Variants in CORO2B observed in about 807,000 individuals in gnomAD.
CORO2B encodes the protein coronin 2B.
CORO2B carries 26 observed loss-of-function variants against 58.8 expected under a neutral mutation model. That is an observed-to-expected ratio of 0.44 (90% CI 0.32 to 0.61). The LOEUF is 0.61. Ranked by LOEUF, CORO2B falls within the 20% of genes least tolerant of loss-of-function variation. The pLI is 0.04. For synonymous variants in CORO2B, 242 were observed against 253.8 expected (o/e 0.95, Z 0.44); for missense variants, 460 against 645.1 (o/e 0.71, Z 3.11).
At chr15:68,648,877 C>G (rs548639529) in intron 2 of CORO2B, among the ~76,000 whole-genome samples, 4 of 152,204 alleles carry the variant, frequency 2.6e-5, no homozygotes, top group Non-Finnish European at 5.9e-5. Flanking sequence ...TTTAAAGATG[C>G]ATGTCTACTG....
chr15:68,550,711 T>C, the CORO2B span, among the ~76,000 whole-genome samples: 1 of 152,202 alleles, frequency 6.6e-6, no homozygotes, highest in Non-Finnish European at 1.5e-5. Flanking sequence ...CAAATCTACC[T>C]GCAGGCGCTC....
intron 1 of CORO2B, among the ~76,000 whole-genome samples, chr15:68,581,233 A>T (rs1899418071): frequency 6.6e-6 from 1 of 152,108 alleles, no homozygotes; most frequent in Non-Finnish European, 1.5e-5. Flanking sequence ...GCCCCCAACA[A>T]ACCCTCCATG....
At chr15:68,628,550 T>C (rs1900744158) in intron 1 of CORO2B, among the ~76,000 whole-genome samples, 2 of 152,326 alleles carry the variant, frequency 1.3e-5, no homozygotes, top group South Asian at 2.1e-4. Flanking sequence ...TAGAAACAGG[T>C]GAGTCAAGGG....
upstream of CORO2B, among the ~76,000 whole-genome samples, chr15:68,574,203 C>T (rs1192308623): frequency 1.3e-5 from 2 of 152,166 alleles, no homozygotes; most frequent in Admixed American, 6.5e-5. Flanking sequence ...CTAGGGCAGT[C>T]GCTGTGCTGA....
At chr15:68,570,442 G>C in the CORO2B span, among the ~76,000 whole-genome samples, 2 of 152,198 alleles carry the variant, frequency 1.3e-5, no homozygotes, top group African/African-American at 2.4e-5. Context: ...GGGCTACTGT[G>C]GATCTTGATC....
intron 1 of CORO2B, among the ~76,000 whole-genome samples, chr15:68,597,127 T>G (rs1443178376): frequency 6.6e-6 from 1 of 151,990 alleles, no homozygotes; most frequent in Non-Finnish European, 1.5e-5. Context: ...CATTTCAAAT[T>G]GCGTAAAACC....
chr15:68,567,074 A>G, the CORO2B span, among the ~76,000 whole-genome samples: 1 of 152,210 alleles, frequency 6.6e-6, no homozygotes, highest in African/African-American at 2.4e-5. Flanking sequence ...CCTATAGCAC[A>G]GAGTTACTGT....
intron 2 of CORO2B, among the ~76,000 whole-genome samples, chr15:68,670,059 A>AG (rs1367917827): frequency 8.9e-5 from 2 of 22,442 alleles, no homozygotes; most frequent in African/African-American, 1.7e-4. Flanking sequence ...TCTGTCTCAG[A>AG]AAAAAAAAAG....
intron 3 of CORO2B, among the ~76,000 whole-genome samples, chr15:68,701,419 C>G (rs1171761364): frequency 6.6e-6 from 1 of 150,894 alleles, no homozygotes; most frequent in Non-Finnish European, 1.5e-5. Context: ...TCAGGCCATT[C>G]TCCTGCCTCA....
intron 11 of CORO2B, 73 bp from the exon 12 acceptor site, chr15:68,725,770 C>G (rs1412496500): frequency 6.3e-7 from 1 of 1,583,832 alleles, no homozygotes; most frequent in Non-Finnish European, 8.6e-7. Flanking sequence ...CAGCTGGAGA[C>G]TCACCTGGGA....
chr15:68,581,159 C>G (rs1450625899), intron 1 of CORO2B, among the ~76,000 whole-genome samples: 4 of 152,126 alleles, frequency 2.6e-5, no homozygotes, highest in African/African-American at 9.7e-5. Context: ...CCTGTTAAGC[C>G]CACTGGCAGG....
At chr15:68,704,232 C>T (rs115659377) in intron 3 of CORO2B, among the ~76,000 whole-genome samples, 3,672 of 149,336 alleles carry the variant, frequency 0.025, 149 homozygotes, top group African/African-American at 0.084. Context: ...AGAGCAAGAC[C>T]GTGTCTGAAA....
the CORO2B span, among the ~76,000 whole-genome samples, chr15:68,563,814 A>G: frequency 6.6e-6 from 1 of 152,176 alleles, no homozygotes; most frequent in East Asian, 1.9e-4. Flanking sequence ...ACAAAAACTG[A>G]CGAAGAAACA....
chr15:68,586,971 C>T (rs1899575554), intron 1 of CORO2B, among the ~76,000 whole-genome samples: 1 of 151,638 alleles, frequency 6.6e-6, no homozygotes, highest in South Asian at 2.1e-4. Context: ...TCAATTATGA[C>T]CATTTTTGTT....
intron 1 of CORO2B, among the ~76,000 whole-genome samples, chr15:68,585,665 T>C (rs888835819): frequency 2.0e-5 from 3 of 152,260 alleles, no homozygotes; most frequent in Non-Finnish European, 4.4e-5. Context: ...TACAACACAG[T>C]GGGCTATTGT....
the CORO2B span, among the ~76,000 whole-genome samples, chr15:68,551,900 T>A: frequency 6.9e-6 from 1 of 144,480 alleles, no homozygotes; most frequent in African/African-American, 2.5e-5. Flanking sequence ...CCAGAACCGA[T>A]GGCCCACCTT....
the CORO2B span, among the ~76,000 whole-genome samples, chr15:68,548,919 T>C: frequency 6.6e-6 from 1 of 152,236 alleles, no homozygotes; most frequent in Non-Finnish European, 1.5e-5. Context: ...AGGAGTTCTT[T>C]ATATATCATA....
intron 1 of CORO2B, among the ~76,000 whole-genome samples, chr15:68,605,933 T>C (rs997418629): frequency 7.2e-5 from 11 of 151,920 alleles, no homozygotes; most frequent in South Asian, 2.1e-4. Flanking sequence ...ACCATGTTGG[T>C]CAGGCAGGTC....
At chr15:68,607,119 G>T (rs1300321665) in intron 1 of CORO2B, among the ~76,000 whole-genome samples, 1 of 152,160 alleles carries the variant, frequency 6.6e-6, no homozygotes, top group Non-Finnish European at 1.5e-5. Flanking sequence ...GGATTTTGTG[G>T]GCCAGGCACA....
Sources: allele counts gnomAD v4.1 joint callset (sites outside exome capture counted in the v4.1 genomes callset), GRCh38; gene constraint gnomAD v4.1.1; transcripts MANE v1.5; gene names NCBI Gene and HGNC (gene_info 2026-07-23, HGNC 2026-07-21).